Variants in CHL1 observed in about 807,000 individuals in gnomAD.
CHL1 encodes the protein cell adhesion molecule L1 like.
CHL1 carries 96 observed loss-of-function variants against 141.9 expected under a neutral mutation model. The ratio of observed to expected loss-of-function variants is 0.68; its 90% confidence interval spans 0.57 to 0.80. The LOEUF (loss-of-function observed/expected upper bound fraction) is 0.80, where lower values mean the gene tolerates loss of function less well. CHL1 is among the 30% of genes least tolerant of loss of function. The pLI, the probability that CHL1 is intolerant of heterozygous loss-of-function variation, is 0.00. For missense variants in CHL1, 1,820 were observed against 1,457.2 expected (o/e 1.25, Z -4.05); for synonymous variants, 613 against 502.2 (o/e 1.22, Z -2.95).
chr3:391,548 T>A, intron 22 of CHL1, 127 bp from the exon 23 acceptor site: 1 of 658,588 alleles, frequency 1.5e-6, no homozygotes, highest in Non-Finnish European at 2.6e-6. Flanking sequence ...TTATTCCTTA[T>A]TAGTAGTTAA....
chr3:292,510 A>G (rs1697781529), intron 2 of CHL1, among the ~76,000 whole-genome samples: 1 of 152,248 alleles, frequency 6.6e-6, no homozygotes, highest in Admixed American at 6.5e-5. Context: ...CAATATAATT[A>G]GTAAGTTGGA....
At chr3:232,755 TA>T (rs530516795) in intron 1 of CHL1, among the ~76,000 whole-genome samples, 16 of 149,434 alleles carry the variant, frequency 1.1e-4, no homozygotes, top group African/African-American at 1.2e-4. Flanking sequence ...TAGCTCCAGT[TA>T]AAAAAAAAAT....
At chr3:340,553 G>A (rs193111830) in intron 5 of CHL1, among the ~76,000 whole-genome samples, 305 of 152,056 alleles carry the variant, frequency 2.0e-3, no homozygotes, top group Non-Finnish European at 3.3e-3. Context: ...TATTGTTGTC[G>A]CATAACAAAA....
At chr3:399,694 G>A (rs916162083) in intron 26 of CHL1, among the ~76,000 whole-genome samples, 8 of 152,082 alleles carry the variant, frequency 5.3e-5, no homozygotes, top group African/African-American at 1.2e-4. Context: ...ACACTTCCAA[G>A]CTTCTATTGT....
intron 13 of CHL1, 111 bp downstream of exon 13, chr3:361,921 C>G: frequency 1.4e-6 from 1 of 736,852 alleles, no homozygotes; most frequent in Non-Finnish European, 2.4e-6. Context: ...TACATGTACC[C>G]AGTACCTCTG....
intron 5 of CHL1, 46 bp from the exon 6 acceptor site, chr3:340,748 C>T: frequency 6.8e-7 from 1 of 1,466,262 alleles, no homozygotes; most frequent in Non-Finnish European, 9.4e-7. Flanking sequence ...TTGTTATAGT[C>T]AAAGTTAATT....
At chr3:265,513 AAAAT>A (rs747442517) in intron 2 of CHL1, among the ~76,000 whole-genome samples, 19 of 152,206 alleles carry the variant, frequency 1.2e-4, no homozygotes, top group Non-Finnish European at 2.2e-4. Context: ...TTTTAGTCAA[AAAAT>A]GCACTAAATT....
intron 2 of CHL1, among the ~76,000 whole-genome samples, chr3:308,377 T>C (rs971792953): frequency 2.6e-5 from 4 of 152,104 alleles, no homozygotes; most frequent in African/African-American, 9.6e-5. Flanking sequence ...ACAAGGCAGG[T>C]ACAAAAAATT....
At chr3:351,502 A>G (rs1373070578) in intron 10 of CHL1, among the ~76,000 whole-genome samples, 1 of 152,120 alleles carries the variant, frequency 6.6e-6, no homozygotes, top group South Asian at 2.1e-4. Context: ...AATCATCTGG[A>G]TGGATGAGCT....
chr3:283,566 A>G (rs1488166953), intron 2 of CHL1, among the ~76,000 whole-genome samples: 4 of 152,208 alleles, frequency 2.6e-5, no homozygotes, highest in African/African-American at 7.2e-5. Context: ...CAGGAATTCA[A>G]TTTGATGTTA....
At chr3:208,690 G>A (rs576149287) in intron 1 of CHL1, among the ~76,000 whole-genome samples, 2 of 152,270 alleles carry the variant, frequency 1.3e-5, no homozygotes, top group South Asian at 4.1e-4. Context: ...GTGGTTTTAT[G>A]TGTGTACCTG....
intron 1 of CHL1, chr3:198,202 G>GCT: frequency 1.2e-5 from 2 of 172,516 alleles, no homozygotes; most frequent in South Asian, 1.2e-4. Context: ...GAGGGCAGGT[G>GCT]TGCGTCGGCA....
In CHL1 at chr3:278,345, A is replaced by T. The variant is rs556696956; in HGVS notation, c.-95+33653A>T. On this transcript the variant is annotated intron_variant, in intron 2 of 27. Coordinates refer to ENST00000256509, the MANE Select transcript of CHL1 (RefSeq NM_006614.4). ...TTTACTAGTTGTTCCAGATTTCCCC[A>T]CAATCCCCATTGCGCTAAGTGGCGG... is the stretch of plus-strand genomic sequence containing the variant. Among the ~76,000 whole-genome samples, 5 of 152,326 alleles carry T rather than the reference A, an allele frequency of 3.3e-5. No individual in the cohort carries two copies. In the South Asian group the frequency reaches 1.0e-3, roughly 32 times the overall value.
rs145944635 is a variant in CHL1, at chr3:405,307, A to G, written c.3459-188A>G. ...GGAAATTGCTTATGACTTTGTAGAC[A>G]TGTGTTTACAGACTTCGTAAACTTG... On this transcript the variant is annotated intron_variant, in intron 27 of 27. Coordinates refer to ENST00000256509, the MANE Select transcript of CHL1 (RefSeq NM_006614.4). Among the ~76,000 whole-genome samples, 684 of 152,260 alleles carry G rather than the reference A, an allele frequency of 4.5e-3. 1 individual carries two copies. The highest frequency in any genetic ancestry group is 0.016 in the African/African-American group (651 of 41,550).
intron 2 of CHL1, chr3:247,820 A>C (rs147950807): frequency 1.4e-3 from 219 of 152,264 alleles, no homozygotes; most frequent in African/African-American, 5.2e-3. Context: ...AGAGGTGATG[A>C]AAGATTCCAC....
intron 2 of CHL1, among the ~76,000 whole-genome samples, chr3:306,906 T>C (rs1699282662): frequency 2.0e-5 from 3 of 152,164 alleles, no homozygotes; most frequent in Non-Finnish European, 4.4e-5. Context: ...TAAGTGCCTT[T>C]TGATGAGCAA....
chr3:241,923 G>T (rs1692608516), intron 1 of CHL1, among the ~76,000 whole-genome samples: 1 of 152,064 alleles, frequency 6.6e-6, no homozygotes, highest in African/African-American at 2.4e-5. Flanking sequence ...AAGGGTAAAT[G>T]CTTTCTAGAG....
At chr3:400,904 T>TTTG (rs1190248067) in intron 26 of CHL1, among the ~76,000 whole-genome samples, 2 of 145,948 alleles carry the variant, frequency 1.4e-5, no homozygotes, top group East Asian at 4.1e-4. Flanking sequence ...GACTGCCTTT[T>TTTG]TTTTTTTTTT....
intron 1 of CHL1, among the ~76,000 whole-genome samples, chr3:238,174 T>G (rs1171332950): frequency 6.6e-6 from 1 of 152,154 alleles, no homozygotes; most frequent in Non-Finnish European, 1.5e-5. Flanking sequence ...AAATTTGTAT[T>G]GAGTATTTTG....
Sources: allele counts gnomAD v4.1 joint callset (sites outside exome capture counted in the v4.1 genomes callset), GRCh38; gene constraint gnomAD v4.1.1; transcripts MANE v1.5; gene names NCBI Gene and HGNC (gene_info 2026-07-23, HGNC 2026-07-21).